IPO11: variants seen among roughly 807,000 people sequenced by gnomAD.
The protein encoded by IPO11 is importin-11.
Under a neutral mutation model 143.2 loss-of-function variants are expected in IPO11, and 66 were observed. The ratio of observed to expected loss-of-function variants is 0.46; its 90% CI spans 0.38 to 0.57. IPO11 has a LOEUF of 0.57. IPO11 is among the 20% of genes least tolerant of loss of function. The pLI is 0.00. For missense variants in IPO11, 1,026 were observed against 1,141.0 expected (o/e 0.90, Z 1.45); for synonymous variants, 385 against 377.8 (o/e 1.02, Z -0.22).
intron 27 of IPO11, among the ~76,000 whole-genome samples, chr5:62,573,292 T>C (rs1478903557): frequency 7.2e-5 from 11 of 152,220 alleles, no homozygotes; most frequent in Admixed American, 4.6e-4. Context: ...AAAGAGATAA[T>C]ACTTGAAGAA....
chr5:62,551,375 C>G, intron 26 of IPO11, 39 bp downstream of exon 26: 1 of 1,079,706 alleles, frequency 9.3e-7, no homozygotes, highest in East Asian at 2.4e-5. Flanking sequence ...AAGTCTTTAT[C>G]TAAATATAAA....
At chr5:62,627,009 T>A (rs534665243) in intron 29 of IPO11, 145 bp from the exon 30 acceptor site, 2 of 545,726 alleles carry the variant, frequency 3.7e-6, no homozygotes, top group Admixed American at 7.6e-5. Context: ...TTTTCCACCA[T>A]GAGATTAGTA....
chr5:62,448,069 C>G (rs1328765493), intron 3 of IPO11, among the ~76,000 whole-genome samples: 1 of 151,918 alleles, frequency 6.6e-6, no homozygotes, highest in Non-Finnish European at 1.5e-5. Context: ...TTCTTTCTTG[C>G]TTTACTTTGG....
chr5:62,522,532 G>T (rs528633280), intron 20 of IPO11, among the ~76,000 whole-genome samples: 1 of 152,112 alleles, frequency 6.6e-6, no homozygotes, highest in Non-Finnish European at 1.5e-5. Context: ...TGATCTGCCC[G>T]CCTTGACCTC....
intron 20 of IPO11, among the ~76,000 whole-genome samples, chr5:62,517,739 G>T (rs1044119602): frequency 6.6e-6 from 1 of 152,128 alleles, no homozygotes. Context: ...TGGGAGTTTT[G>T]TGAGAGACAT....
Position 62,550,413 on chromosome 5 carries a change from T to C in IPO11, c.2297T>C (p.Met766Thr), listed in dbSNP as rs766225269. 7 of 1,613,306 alleles carry C rather than the reference T, an allele frequency of 4.3e-6. No homozygotes were observed. The highest frequency in any genetic ancestry group is 1.6e-4 in the Middle Eastern group (1 of 6,072). ...LKVNPILGPQ[M>T]FQPILPYVFK... is the part of the protein sequence containing the mutation. Reference sequence around the variant, plus strand: ...GTGAACCCAATACTAGGTCCACAAATGTTTCAACCGATTTTACCCTATGTT... The same window carrying C: ...GTGAACCCAATACTAGGTCCACAAACGTTTCAACCGATTTTACCCTATGTT... The change falls in exon 25 of 30, where the codon ATG becomes ACG. Residue 766 changes from methionine (M) to threonine (T), a missense_variant. By Grantham distance (81) the Met-to-Thr change is moderately conservative. Coordinates refer to ENST00000325324, the MANE Select transcript of IPO11 (RefSeq NM_016338.5).
In IPO11 at chr5:62,430,571, C is replaced by T. The variant is rs1743946847; in HGVS notation, c.-6-6703C>T. On this transcript the variant is annotated intron_variant, in intron 1 of 29. Coordinates refer to ENST00000325324, the MANE Select transcript of IPO11 (RefSeq NM_016338.5). Reference sequence around the variant, plus strand: ...TCCTGAGCTCAGGCAAACTGCCCGCCTCAGCCTCCCAACATGCTGGGATTA... The same window carrying T: ...TCCTGAGCTCAGGCAAACTGCCCGCTTCAGCCTCCCAACATGCTGGGATTA... Among the ~76,000 whole-genome samples, 4 of 152,152 alleles carry T rather than the reference C, an allele frequency of 2.6e-5. No individual in the cohort carries two copies. In the South Asian group the frequency reaches 8.3e-4, roughly 32 times the overall value.
chr5:62,437,183 G>T, intron 1 of IPO11, 91 bp from the exon 2 acceptor site: 1 of 1,031,658 alleles, frequency 9.7e-7, no homozygotes. Context: ...GAGTAATTCA[G>T]AACATGAAAG....
chr5:62,576,663 G>T (rs1166905911), intron 27 of IPO11, among the ~76,000 whole-genome samples: 1 of 152,062 alleles, frequency 6.6e-6, no homozygotes, highest in Non-Finnish European at 1.5e-5. Context: ...TGCACCTGCA[G>T]TCCTAGCTAC....
intron 2 of IPO11, among the ~76,000 whole-genome samples, chr5:62,441,932 A>AC (rs1674730307): frequency 1.3e-5 from 2 of 149,460 alleles, no homozygotes; most frequent in African/African-American, 5.0e-5. Context: ...TGCAACCTCC[A>AC]CCTTCCTGGT....
intron 26 of IPO11, among the ~76,000 whole-genome samples, chr5:62,559,388 A>AT (rs911568679): frequency 1.5e-4 from 22 of 151,076 alleles, no homozygotes; most frequent in African/African-American, 4.8e-4. Flanking sequence ...CTGAAACTTC[A>AT]TTTTTTTTAA....
At chr5:62,560,974 C>A in intron 26 of IPO11, 162 bp from the exon 27 acceptor site, 1 of 499,368 alleles carries the variant, frequency 2.0e-6, no homozygotes. Flanking sequence ...TCAAATTATC[C>A]ATTTCCAGCT....
At chr5:62,617,015 C>G (rs2112475104) in intron 29 of IPO11, among the ~76,000 whole-genome samples, 1 of 152,274 alleles carries the variant, frequency 6.6e-6, no homozygotes, top group South Asian at 2.1e-4. Flanking sequence ...ATAGCACCTG[C>G]ACTTTTCAGT....
intron 19 of IPO11, among the ~76,000 whole-genome samples, chr5:62,510,085 A>G (rs1035961672): frequency 2.0e-5 from 3 of 152,152 alleles, no homozygotes; most frequent in Admixed American, 6.5e-5. Flanking sequence ...TTGTTTTGTA[A>G]TAGCCACCCT....
chr5:62,494,204 T>A (rs1419627908), intron 16 of IPO11, 80 bp downstream of exon 16: 14 of 1,309,666 alleles, frequency 1.1e-5, no homozygotes, highest in Non-Finnish European at 7.3e-6. Flanking sequence ...ACAGTTTATG[T>A]CTTTTCTTTA....
At chr5:62,433,925 G>A (rs946951093) in intron 1 of IPO11, among the ~76,000 whole-genome samples, 1 of 152,148 alleles carries the variant, frequency 6.6e-6, no homozygotes, top group Non-Finnish European at 1.5e-5. Context: ...GGGGTGGGAT[G>A]AGGATGAGTT....
intron 17 of IPO11, 27 bp from the exon 18 acceptor site, chr5:62,504,831 T>C (rs1741488791): frequency 6.8e-7 from 1 of 1,481,332 alleles, no homozygotes; most frequent in Non-Finnish European, 9.2e-7. Flanking sequence ...ACTTATATAT[T>C]CTCAGTATTC....
At chr5:62,490,266 T>G in intron 15 of IPO11, 46 bp downstream of exon 15, 1 of 1,249,326 alleles carries the variant, frequency 8.0e-7, no homozygotes, top group Non-Finnish European at 1.1e-6. Flanking sequence ...TTTACCTTAT[T>G]TATTTTATTA....
intron 21 of IPO11, among the ~76,000 whole-genome samples, chr5:62,529,827 G>A (rs945630430): frequency 6.6e-6 from 1 of 152,060 alleles, no homozygotes; most frequent in Non-Finnish European, 1.5e-5. Context: ...GAGGGTTGGG[G>A]GATGTGAACA....
Sources: allele counts gnomAD v4.1 joint callset (sites outside exome capture counted in the v4.1 genomes callset), GRCh38; gene constraint gnomAD v4.1.1; transcripts MANE v1.5; gene names NCBI Gene and HGNC (gene_info 2026-07-23, HGNC 2026-07-21).